Variants in CCN4 observed in about 807,000 individuals in gnomAD.
The protein encoded by CCN4 is CCN family member 4.
In CCN4, 30 loss-of-function variants were observed where a neutral mutation model predicts 36.7. That is an observed-to-expected ratio of 0.82 (90% CI 0.61 to 1.11). The LOEUF is 1.11. Among genes scored for constraint, CCN4 ranks in the 50% least tolerant of loss-of-function variants. The pLI is 0.00. For synonymous variants in CCN4, 191 were observed against 195.4 expected (o/e 0.98, Z 0.19); for missense variants, 505 against 504.9 (o/e 1.00, Z 0.00).
intron 4 of CCN4, 71 bp from the exon 5 acceptor site, chr8:133,227,340 G>A (rs1564269180): frequency 6.7e-7 from 1 of 1,496,076 alleles, no homozygotes; most frequent in Non-Finnish European, 9.0e-7. Context: ...GAAAAACTGG[G>A]GGCTCAGGGG....
intron 3 of CCN4, among the ~76,000 whole-genome samples, chr8:133,224,487 G>C (rs1854655091): frequency 6.6e-6 from 1 of 151,778 alleles, no homozygotes; most frequent in Non-Finnish European, 1.5e-5. Flanking sequence ...TGATCCACCT[G>C]CTTTGGCCTC....
Position 133,191,209 on chromosome 8 carries a change from C to T in CCN4, c.65C>T (p.Ala22Val), listed in dbSNP as rs1189146641. 1.2e-6 allele frequency: 2 copies of T among 1,605,724 alleles called. No individual in the cohort carries two copies. The highest frequency in any genetic ancestry group is 2.2e-5 in the East Asian group (1 of 44,830). Residue 22 changes from alanine (A) to valine (V), a missense_variant, in exon 1 of 5, where the codon GCC becomes GTC. Ala to Val is a moderately conservative substitution (Grantham distance 64). Transcript: ENST00000250160. ...GCAGCAGCCGCCAGCACCGTCCTGG[C>T]CACGGTGAGTCCTGCCTGGAGGGGC... ...VTAAAASTVL[A>V]TALSPAPTTM...
At chr8:133,194,964 G>A (rs1853316346) in intron 1 of CCN4, among the ~76,000 whole-genome samples, 1 of 145,772 alleles carries the variant, frequency 6.9e-6, no homozygotes, top group Admixed American at 6.8e-5. Flanking sequence ...CTGTGTATGT[G>A]TGTGGTGTGT....
At chr8:133,213,710 A>C (rs2130583899) in intron 2 of CCN4, among the ~76,000 whole-genome samples, 1 of 147,620 alleles carries the variant, frequency 6.8e-6, no homozygotes, top group Admixed American at 6.8e-5. Flanking sequence ...TATATATTCT[A>C]TATAGTATAG....
At chr8:133,216,402 A>G (rs1372965782) in intron 2 of CCN4, among the ~76,000 whole-genome samples, 1 of 152,190 alleles carries the variant, frequency 6.6e-6, no homozygotes, top group Non-Finnish European at 1.5e-5. Flanking sequence ...TGGTGTGTGC[A>G]AGCCCTGGCT....
chr8:133,210,565 C>T (rs373530789), intron 1 of CCN4, among the ~76,000 whole-genome samples: 2 of 152,156 alleles, frequency 1.3e-5, no homozygotes, highest in Non-Finnish European at 2.9e-5. Context: ...ACCAGCAAGG[C>T]CTTCCAAGGC....
chr8:133,206,777 A>G (rs1395906182), intron 1 of CCN4, among the ~76,000 whole-genome samples: 1 of 152,158 alleles, frequency 6.6e-6, no homozygotes, highest in Non-Finnish European at 1.5e-5. Context: ...TCACACTGGA[A>G]TTAAGGTCCC....
At position 133,195,832 on chromosome 8, in the gene CCN4, G is replaced by A. The variant is rs1393393768; in HGVS notation, c.69+4619G>A. Among the ~76,000 whole-genome samples the A allele has an allele frequency of 2.6e-5, 4 of 152,320 alleles. No individual in the cohort carries two copies. The East Asian group carries it at 7.7e-4, about 29-fold the overall frequency. The stretch of plus-strand genomic sequence containing the variant: ...TGCCAGCAAAGCACCCACATGCCAG[G>A]AGGCTGCCCTTGGCTTTGTATAAAC... On this transcript the variant is annotated intron_variant, in intron 1 of 4. Coordinates refer to ENST00000250160, the MANE Select transcript of CCN4 (RefSeq NM_003882.4).
In CCN4 at chr8:133,213,278, A is replaced by G. The variant is rs1854135059; in HGVS notation, c.349+135A>G. 11 of 1,097,478 alleles carry G rather than the reference A, an allele frequency of 1.0e-5. No individual in the cohort carries two copies. In the East Asian group the frequency reaches 2.8e-4, roughly 28 times the overall value. The allele number at this position is 1,097,478 out of a possible 1,614,324, so 68.0% of individuals were successfully genotyped here. A position where few individuals can be genotyped will look rare whatever the true frequency, so the allele number is the denominator to read the frequency against. On this transcript the variant is annotated intron_variant, in intron 2 of 4. Coordinates refer to ENST00000250160, the MANE Select transcript of CCN4 (RefSeq NM_003882.4). The stretch of plus-strand genomic sequence containing the variant: ...TCAGCAGGAGATACACCCCATGATC[A>G]GAGGCCAGAGGCTGGGTCCTTCCTG...
chr8:133,202,894 C>T (rs1853638887), intron 1 of CCN4, among the ~76,000 whole-genome samples: 1 of 152,232 alleles, frequency 6.6e-6, no homozygotes, highest in African/African-American at 2.4e-5. Flanking sequence ...GCACCCGATG[C>T]GCTTTGAAAC....
chr8:133,193,965 C>T (rs951669248), intron 1 of CCN4, among the ~76,000 whole-genome samples: 1 of 152,158 alleles, frequency 6.6e-6, no homozygotes, highest in African/African-American at 2.4e-5. Flanking sequence ...CACTAAGTCC[C>T]GTTGCACCTC....
At position 133,213,250 on chromosome 8, in the gene CCN4, C is replaced by T. The variant is rs73711811; in HGVS notation, c.349+107C>T. ...ACAGCCTTTCACCTGGCCAGGCTTC[C>T]GTTCAGCAGGAGATACACCCCATGA... is the stretch of plus-strand genomic sequence containing the variant. On this transcript the variant is annotated intron_variant, in intron 2 of 4. Coordinates refer to ENST00000250160, the MANE Select transcript of CCN4 (RefSeq NM_003882.4). 4,730 of 1,369,348 alleles carry T rather than the reference C, an allele frequency of 3.5e-3. 141 individuals carry two copies. In the African/African-American group the frequency reaches 0.058, roughly 17 times the overall value. The allele number at this position is 1,369,348 out of a possible 1,614,324, so 84.8% of individuals were successfully genotyped here. A position where few individuals can be genotyped will look rare whatever the true frequency, so the allele number is the denominator to read the frequency against.
rs752374588 is a variant in CCN4, at chr8:133,213,031, C to T, written c.237C>T (p.Cys79=). The change falls in exon 2 of 5, where the codon TGC becomes TGT. Residue 79 remains cysteine (C), a synonymous_variant. Coordinates refer to ENST00000250160, the MANE Select transcript of CCN4 (RefSeq NM_003882.4). ...ITDGCECCKM[C]AQQLGDNCTE... is the part of the protein sequence containing the mutation. ...ATGGCTGTGAGTGCTGTAAGATGTG[C>T]GCTCAGCAGCTTGGGGACAACTGCA... 2.5e-6 allele frequency: 4 copies of T among 1,614,054 alleles called. No individual in the cohort carries two copies. The highest frequency in any genetic ancestry group is 3.4e-6 in the Non-Finnish European group (4 of 1,180,006).
chr8:133,217,936 CCACACACACACA>C, intron 2 of CCN4, among the ~76,000 whole-genome samples: 1 of 144,526 alleles, frequency 6.9e-6, no homozygotes, highest in African/African-American at 2.7e-5. Context: ...ACTCCCTTCT[CCACACACACACA>C]CACACACACA....
intron 2 of CCN4, among the ~76,000 whole-genome samples, chr8:133,217,360 C>T (rs930923048): frequency 9.9e-5 from 15 of 152,220 alleles, no homozygotes; most frequent in Non-Finnish European, 1.5e-4. Flanking sequence ...GGGAAGGCCC[C>T]GATGGCAGAG....
chr8:133,197,138 C>G (rs1371370811), intron 1 of CCN4, among the ~76,000 whole-genome samples: 1 of 151,962 alleles, frequency 6.6e-6, no homozygotes, highest in Non-Finnish European at 1.5e-5. Context: ...AGATGTGTAT[C>G]TTACTAACCT....
At chr8:133,223,641 T>TCA (rs3842199) in intron 3 of CCN4, among the ~76,000 whole-genome samples, 31,033 of 151,474 alleles carry the variant, frequency 0.2, 3,572 homozygotes, top group East Asian at 0.5. Flanking sequence ...TTTCTCTCTC[T>TCA]CACACACACA....
chr8:133,216,229 C>G (rs1261902600), intron 2 of CCN4, among the ~76,000 whole-genome samples: 1 of 152,176 alleles, frequency 6.6e-6, no homozygotes. Context: ...AACAATCTTT[C>G]CACAAATGGT....
chr8:133,207,222 G>C (rs914320334), intron 1 of CCN4, among the ~76,000 whole-genome samples: 4 of 152,278 alleles, frequency 2.6e-5, no homozygotes, highest in African/African-American at 7.2e-5. Context: ...AGCATCATTT[G>C]TTGTCTCTGG....
Sources: allele counts gnomAD v4.1 joint callset (sites outside exome capture counted in the v4.1 genomes callset), GRCh38; gene constraint gnomAD v4.1.1; transcripts MANE v1.5; gene names NCBI Gene and HGNC (gene_info 2026-07-23, HGNC 2026-07-21).